SLC9B2: variants seen among roughly 807,000 people sequenced by gnomAD.
SLC9B2 encodes the protein solute carrier family 9 member B2, also known as sodium/hydrogen exchanger 9B2.
In SLC9B2, 39 loss-of-function variants were observed where a neutral mutation model predicts 52.2. The ratio of observed to expected loss-of-function variants is 0.75; its 90% confidence interval spans 0.58 to 0.98. SLC9B2 has a LOEUF of 0.98. Ranked by LOEUF, SLC9B2 falls within the 50% of genes least tolerant of loss-of-function variation. The pLI is 0.00. For missense variants in SLC9B2, 626 were observed against 637.5 expected, an observed-to-expected ratio of 0.98 and a Z score of 0.19; for synonymous variants, 214 against 227.0, an observed-to-expected ratio of 0.94 and a Z score of 0.51.
intron 3 of SLC9B2, chr4:103,065,365 T>C (rs1333594661): frequency 6.6e-6 from 1 of 152,142 alleles, no homozygotes; most frequent in Admixed American, 6.5e-5. Flanking sequence ...TAACAGTGAA[T>C]GTATTGTGTT....
At chr4:103,055,725 A>T (rs948098994) in intron 4 of SLC9B2, among the ~76,000 whole-genome samples, 1 of 151,874 alleles carries the variant, frequency 6.6e-6, no homozygotes, top group South Asian at 2.1e-4. Flanking sequence ...GTTTTTTACT[A>T]AAACTGAGTG....
At chr4:103,021,162 AG>A (rs35935487), downstream of SLC9B2, among the ~76,000 whole-genome samples, 55,550 of 151,962 alleles carry the variant, frequency 0.37, 10,124 homozygotes, top group Middle Eastern at 0.43. Flanking sequence ...GACCTTTGCT[AG>A]GAGTCTGTTT....
At chr4:103,053,729 A>G (rs1219505353) in intron 4 of SLC9B2, among the ~76,000 whole-genome samples, 1 of 151,384 alleles carries the variant, frequency 6.6e-6, no homozygotes, top group Non-Finnish European at 1.5e-5. Context: ...TTTGAGACCG[A>G]GTCTCGCTCT....
rs1746142656 is a variant in SLC9B2, at chr4:103,066,501, TCTC to T, written c.94_96del (p.Glu32del). 1.2e-6 allele frequency: 2 copies of T among 1,612,448 alleles called. No individual in the cohort carries two copies. The highest frequency in any genetic ancestry group is 3.4e-5 in the Admixed American group (2 of 59,648). The stretch of plus-strand genomic sequence containing the variant: ...TCTATACCTTTGAGCTTCATAACTG[TCTC>T]CTCCTGTGTTTAAAGTAATTTTAAA... On this transcript the variant is annotated inframe_deletion, in exon 3 of 12. Coordinates refer to ENST00000394785, the MANE Select transcript of SLC9B2 (RefSeq NM_178833.7).
chr4:103,054,527 T>C (rs1744957614), intron 4 of SLC9B2, among the ~76,000 whole-genome samples: 1 of 152,220 alleles, frequency 6.6e-6, no homozygotes, highest in African/African-American at 2.4e-5. Flanking sequence ...ATGAATATCT[T>C]AGGCTTTGTG....
intron 8 of SLC9B2, among the ~76,000 whole-genome samples, chr4:103,043,785 T>C (rs751528412): frequency 3.9e-5 from 6 of 152,214 alleles, no homozygotes; most frequent in Non-Finnish European, 7.3e-5. Flanking sequence ...ATTGTTGGTG[T>C]ATGTAGTAGC....
rs774283209 is a variant in SLC9B2, at chr4:103,026,473, A to G, written c.1511T>C (p.Ile504Thr). ...CAGTAAACCAATAAGCAGACTTCCA[A>G]TTGGGGCTGTGATGAGGATGGACAA... ...AFLSILITAP[I>T]GSLLIGLLGP... The change falls in exon 12 of 12, where the codon ATT (isoleucine) becomes ACT (threonine). Residue 504 changes from isoleucine to threonine, a missense_variant. Transcript: ENST00000394785. 9.3e-6 allele frequency: 15 copies of G among 1,613,808 alleles called. No individual in the cohort carries two copies. The highest frequency in any genetic ancestry group is 6.7e-5 in the African/African-American group (5 of 74,892).
At chr4:103,063,276 T>G (rs184663492) in intron 3 of SLC9B2, among the ~76,000 whole-genome samples, 6 of 152,360 alleles carry the variant, frequency 3.9e-5, no homozygotes, top group Admixed American at 1.3e-4. Flanking sequence ...GGATTCTGGT[T>G]TTCTGTACAT....
intron 1 of SLC9B2, among the ~76,000 whole-genome samples, chr4:103,074,432 C>T (rs749491069): frequency 6.6e-6 from 1 of 152,224 alleles, no homozygotes; most frequent in Non-Finnish European, 1.5e-5. Context: ...CCCTGATGAA[C>T]AGCAGTGATG....
rs888110588 is a variant in SLC9B2, at chr4:103,022,827, G to A, written c.*3543C>T. 2.6e-5 allele frequency among the ~76,000 whole-genome samples: 4 copies of A among 152,178 alleles called. No homozygotes were observed. The highest frequency in any genetic ancestry group is 4.8e-5 in the African/African-American group (2 of 41,442). On this transcript the variant is annotated 3_prime_UTR_variant, in exon 12 of 12. Coordinates refer to ENST00000394785, the MANE Select transcript of SLC9B2 (RefSeq NM_178833.7). ...TGGGAAGGCAATTAGATTTGGATGA[G>A]GTCATGAGGGTAGGGCCCTCATGCT...
intron 9 of SLC9B2, among the ~76,000 whole-genome samples, chr4:103,035,693 A>G (rs1445813351): frequency 6.6e-6 from 1 of 152,194 alleles, no homozygotes; most frequent in Non-Finnish European, 1.5e-5. Flanking sequence ...AATGTAAGTT[A>G]GTTCAGCCAC....
chr4:103,056,603 T>C (rs1745156267), intron 4 of SLC9B2, among the ~76,000 whole-genome samples: 1 of 152,180 alleles, frequency 6.6e-6, no homozygotes, highest in Non-Finnish European at 1.5e-5. Flanking sequence ...AACAGGTGGC[T>C]TGCCAAAAAA....
At position 103,036,537 on chromosome 4, in the gene SLC9B2, G is replaced by T. The variant is rs1480380912; in HGVS notation, c.1147-4729C>A. ...ATAAAAGCTGAAAAGAAAAAAAAAA[G>T]AAACATGGGCAAAACATATGCACAA... On this transcript the variant is annotated intron_variant, in intron 9 of 11. Coordinates refer to ENST00000394785, the MANE Select transcript of SLC9B2 (RefSeq NM_178833.7). 2.7e-5 allele frequency among the ~76,000 whole-genome samples: 4 copies of T among 150,478 alleles called. No homozygotes were observed. In the South Asian group the frequency reaches 8.4e-4, roughly 31 times the overall value.
At chr4:103,027,383 A>G (rs1742317846) in intron 11 of SLC9B2, among the ~76,000 whole-genome samples, 1 of 152,186 alleles carries the variant, frequency 6.6e-6, no homozygotes, top group Non-Finnish European at 1.5e-5. Flanking sequence ...AAACGTCATG[A>G]AACATGAAAA....
At position 103,056,863 on chromosome 4, in the gene SLC9B2, C is replaced by T. The variant is rs140177494; in HGVS notation, c.442+938G>A. Among the ~76,000 whole-genome samples, 142 of 152,268 alleles carry T rather than the reference C, an allele frequency of 9.3e-4. 1 individual carries two copies. Among genetic ancestry groups the T allele is most frequent in the Middle Eastern group, 6.8e-3 (2 of 294 alleles). On this transcript the variant is annotated intron_variant, in intron 4 of 11. Transcript: ENST00000394785. ...ATACTATCTGATTCAGCAAAGAAGT[C>T]ACATATCATGAATGAGCAAGTGCAG...
intron 3 of SLC9B2, among the ~76,000 whole-genome samples, chr4:103,060,576 A>T (rs1578474546): frequency 8.0e-6 from 1 of 124,394 alleles, no homozygotes; most frequent in Non-Finnish European, 1.7e-5. Flanking sequence ...TGCAATAGTG[A>T]GCTCTCCCTT....
chr4:103,028,760 T>G lies in SLC9B2; in HGVS notation c.1379A>C (p.Lys460Thr), dbSNP rs1174730889. The G allele has an allele frequency of 6.2e-7, 1 of 1,608,198 alleles. No homozygotes were observed. Residue 460 changes from lysine (K) to threonine (T), a missense_variant, in exon 11 of 12, where the codon AAG becomes ACG. Lys to Thr is a moderately conservative substitution (Grantham distance 78). Transcript: ENST00000394785. ...TATCCATCATACCTGAACTGTGGCC[T>G]TTGGAAGCCATGCAAAAGAAATAAA... ...KIFISFAWLPKATVQAAIGSV... is the reference protein window; with the variant it reads ...KIFISFAWLPTATVQAAIGSV...
chr4:103,052,115 A>G (rs1287334425), intron 4 of SLC9B2, among the ~76,000 whole-genome samples: 1 of 152,242 alleles, frequency 6.6e-6, no homozygotes, highest in Non-Finnish European at 1.5e-5. Context: ...CCTTTTTGGC[A>G]CCAGGGACCG....
At position 103,033,534 on chromosome 4, in the gene SLC9B2, A is replaced by G. The variant is rs146982054; in HGVS notation, c.1147-1726T>C. 1.5e-3 allele frequency among the ~76,000 whole-genome samples: 223 copies of G among 152,316 alleles called. 2 individuals are homozygous for G. The highest frequency in any genetic ancestry group is 5.3e-3 in the African/African-American group (219 of 41,574). On this transcript the variant is annotated intron_variant, in intron 9 of 11. Coordinates refer to ENST00000394785, the MANE Select transcript of SLC9B2 (RefSeq NM_178833.7). ...TATACCTGGAAATACTATACCAAGA[A>G]TAGTACAGAGATACTATACCTAGAA... is the stretch of plus-strand genomic sequence containing the variant.
Sources: allele counts gnomAD v4.1 joint callset (sites outside exome capture counted in the v4.1 genomes callset), GRCh38; gene constraint gnomAD v4.1.1; transcripts MANE v1.5; gene names NCBI Gene and HGNC (gene_info 2026-07-23, HGNC 2026-07-21).